The following RIMS1 variants were observed in gnomAD, a reference collection of about 807,000 sequenced individuals.
RIMS1 encodes the protein regulating synaptic membrane exocytosis 1, also known as regulating synaptic membrane exocytosis protein 1.
In RIMS1, 83 loss-of-function variants were observed where a neutral mutation model predicts 214.1. The ratio of observed to expected loss-of-function variants is 0.39; its 90% confidence interval spans 0.32 to 0.47. The LOEUF (loss-of-function observed/expected upper bound fraction) is 0.47, where lower values mean the gene tolerates loss of function less well. RIMS1 is among the 20% of genes least tolerant of loss of function. RIMS1 has a pLI of 0.99. For synonymous variants in RIMS1, 793 were observed against 786.8 expected, an observed-to-expected ratio of 1.01 and a Z score of -0.13; for missense variants, 2,050 against 2,161.8, an observed-to-expected ratio of 0.95 and a Z score of 1.03.
intron 1 of RIMS1, among the ~76,000 whole-genome samples, chr6:71,890,596 A>C (rs2096257): frequency 0.52 from 58,359 of 113,140 alleles, 15,070 homozygotes; most frequent in Middle Eastern, 0.68. Context: ...AAAAAAAAAA[A>C]ACTTCATAGA....
intron 2 of RIMS1, among the ~76,000 whole-genome samples, chr6:72,032,833 C>G (rs1318782274): frequency 6.6e-6 from 1 of 152,124 alleles, no homozygotes; most frequent in African/African-American, 2.4e-5. Context: ...CTCCTATTCT[C>G]AAATAGCATT....
intron 29 of RIMS1, among the ~76,000 whole-genome samples, chr6:72,380,650 CAA>C (rs1476806428): frequency 6.6e-6 from 1 of 152,066 alleles, no homozygotes; most frequent in East Asian, 1.9e-4. Context: ...TTCCTGTTGT[CAA>C]GAGTTGTTAA....
At chr6:72,088,176 G>A (rs1835153060) in intron 2 of RIMS1, among the ~76,000 whole-genome samples, 1 of 151,258 alleles carries the variant, frequency 6.6e-6, no homozygotes, top group Non-Finnish European at 1.5e-5. Context: ...CCATTCTTCT[G>A]CCCAAACTTC....
intron 2 of RIMS1, among the ~76,000 whole-genome samples, chr6:71,996,043 G>A (rs1165373460): frequency 1.3e-5 from 2 of 152,096 alleles, no homozygotes. Flanking sequence ...ACCTCCCAAA[G>A]TGTTGAGATT....
chr6:72,040,201 T>C (rs1171434839), intron 2 of RIMS1, among the ~76,000 whole-genome samples: 1 of 152,088 alleles, frequency 6.6e-6, no homozygotes, highest in African/African-American at 2.4e-5. Flanking sequence ...CTTTCTCCAC[T>C]TCTATACTTT....
At chr6:72,162,437 T>A (rs1176120719) in intron 4 of RIMS1, among the ~76,000 whole-genome samples, 1 of 140,936 alleles carries the variant, frequency 7.1e-6, no homozygotes, top group African/African-American at 2.5e-5. Flanking sequence ...ATTATGATGT[T>A]AGCTGGTTAT....
intron 15 of RIMS1, among the ~76,000 whole-genome samples, chr6:72,252,165 A>T (rs892637289): frequency 2.0e-4 from 30 of 152,346 alleles, no homozygotes; most frequent in African/African-American, 7.0e-4. Context: ...CTAAGTTAAC[A>T]GCTGAAAGAA....
chr6:72,182,915 G>T lies in RIMS1; in HGVS notation c.1444G>T (p.Val482Phe). The change falls in exon 6 of 34, where the codon GTC (valine) becomes TTC (phenylalanine). Residue 482 changes from valine to phenylalanine, a missense_variant. Around this residue, in one of 6 missense-constraint regions of RIMS1, gnomAD observed 882 missense variants for 828.9 expected, o/e 1.06. Coordinates refer to ENST00000521978, the MANE Select transcript of RIMS1 (RefSeq NM_014989.7). ...GAGCCGCCTGGACCCCAGCTCGGCG[G>T]TCCTCATGCGGAAGGCCAAGCGCGA... ...KQSRLDPSSA[V>F]LMRKAKREKV... The T allele has an allele frequency of 2.5e-6, 4 of 1,580,284 alleles. No individual in the cohort carries two copies. Among genetic ancestry groups the T allele is most frequent in the Non-Finnish European group, 2.6e-6 (3 of 1,164,626 alleles).
chr6:71,944,863 C>CCACT (rs1787303062), intron 1 of RIMS1, among the ~76,000 whole-genome samples: 3 of 152,030 alleles, frequency 2.0e-5, no homozygotes, highest in African/African-American at 7.2e-5. Flanking sequence ...TGACAATGTA[C>CCACT]CACTGACTTT....
At position 72,120,710 on chromosome 6, in the gene RIMS1, G is replaced by A. The variant is rs9442742; in HGVS notation, c.471+20724G>A. ...TGTTGCCATTGCTTTTGGTGTTTTA[G>A]TCATGAAGTCCTTGCCCATGCCTAT... On this transcript the variant is annotated intron_variant, in intron 4 of 33. Coordinates refer to ENST00000521978, the MANE Select transcript of RIMS1 (RefSeq NM_014989.7). Among the ~76,000 whole-genome samples the A allele has an allele frequency of 3.1e-3, 467 of 151,918 alleles. 4 individuals carry two copies. The highest frequency in any genetic ancestry group is 0.011 in the African/African-American group (455 of 41,496).
chr6:72,357,624 C>T (rs2097688277), intron 29 of RIMS1, among the ~76,000 whole-genome samples: 2 of 152,160 alleles, frequency 1.3e-5, no homozygotes, highest in South Asian at 4.1e-4. Flanking sequence ...TTGGATTCTA[C>T]AGGGTCTCTA....
At chr6:71,992,558 CTCTTCTTCTTCT>C (rs200069474) in intron 2 of RIMS1, among the ~76,000 whole-genome samples, 1 of 146,110 alleles carries the variant, frequency 6.8e-6, no homozygotes, top group Admixed American at 7.0e-5. Context: ...CTCCTTCTTC[CTCTTCTTCTTCT>C]TCTTCTTCCT....
intron 2 of RIMS1, among the ~76,000 whole-genome samples, chr6:72,012,644 A>G (rs1341104992): frequency 6.6e-6 from 1 of 152,138 alleles, no homozygotes; most frequent in Non-Finnish European, 1.5e-5. Flanking sequence ...AGGACCTGAG[A>G]ATGCTCAAGG....
At chr6:72,393,167 C>T (rs996208243) in intron 31 of RIMS1, among the ~76,000 whole-genome samples, 1 of 149,930 alleles carries the variant, frequency 6.7e-6, no homozygotes, top group African/African-American at 2.4e-5. Context: ...AATTCCCTCA[C>T]GCCTACACAA....
intron 23 of RIMS1, among the ~76,000 whole-genome samples, chr6:72,276,987 A>C (rs185949173): frequency 2.0e-5 from 3 of 152,332 alleles, no homozygotes; most frequent in Admixed American, 1.3e-4. Context: ...AAATATTCTA[A>C]AGTTAATGAC....
chr6:72,033,161 T>G (rs1024291341), intron 2 of RIMS1, among the ~76,000 whole-genome samples: 1 of 152,226 alleles, frequency 6.6e-6, no homozygotes, highest in Non-Finnish European at 1.5e-5. Context: ...CATCTTTGTA[T>G]TCTTTGTTCA....
chr6:72,027,212 A>G (rs768223178), intron 2 of RIMS1, among the ~76,000 whole-genome samples: 6 of 152,156 alleles, frequency 3.9e-5, no homozygotes, highest in Non-Finnish European at 5.9e-5. Context: ...CGCAAACTCA[A>G]TCTTACATCG....
At chr6:72,150,786 C>G (rs2043444323) in intron 4 of RIMS1, among the ~76,000 whole-genome samples, 2 of 152,162 alleles carry the variant, frequency 1.3e-5, no homozygotes, top group African/African-American at 4.8e-5. Context: ...TTCTACTTTT[C>G]AGGCTTCCCC....
intron 29 of RIMS1, among the ~76,000 whole-genome samples, chr6:72,367,164 T>C (rs2154396518): frequency 6.6e-6 from 1 of 152,344 alleles, no homozygotes; most frequent in South Asian, 2.1e-4. Context: ...CTTACAGGAT[T>C]TTAAAGCTGG....
Sources: gnomAD v4.1 joint callset for allele counts (sites outside exome capture counted in the v4.1 genomes callset) on GRCh38, gnomAD v4.1.1 for gene constraint, gnomAD v4.1.1 regional missense constraint, MANE v1.5 for transcripts, NCBI Gene and HGNC (gene_info 2026-07-23, HGNC 2026-07-21) for gene names.